Variants in FOXP1 observed in about 807,000 individuals in gnomAD.
The protein encoded by FOXP1 is forkhead box P1.
Under a neutral mutation model 98.2 loss-of-function variants are expected in FOXP1, and 15 were observed. The ratio of observed to expected loss-of-function variants is 0.15; its 90% CI spans 0.10 to 0.24. FOXP1 has a LOEUF of 0.24. FOXP1 is among the 10% of genes least tolerant of loss of function. FOXP1 has a pLI of 1.00. For synonymous variants in FOXP1, 371 were observed against 314.5 expected (o/e 1.18, Z -1.90); for missense variants, 633 against 848.5 (o/e 0.75, Z 3.15).
chr3:70,977,302 G>C (rs1039167768), intron 16 of FOXP1, among the ~76,000 whole-genome samples: 5 of 152,020 alleles, frequency 3.3e-5, no homozygotes, highest in African/African-American at 1.2e-4. Context: ...CAGAATCAAA[G>C]AGAAATGCAA....
At chr3:71,082,347 G>A (rs892961029) in intron 7 of FOXP1, among the ~76,000 whole-genome samples, 16 of 151,466 alleles carry the variant, frequency 1.1e-4, no homozygotes, top group African/African-American at 3.9e-4. Context: ...CTGTGAAATG[G>A]GCATCATATG....
intron 3 of FOXP1, among the ~76,000 whole-genome samples, chr3:71,407,278 T>C (rs1224642493): frequency 2.6e-5 from 4 of 152,124 alleles, no homozygotes; most frequent in African/African-American, 9.7e-5. Context: ...TCACTGGGTT[T>C]GTGTATTGGG....
intron 6 of FOXP1, among the ~76,000 whole-genome samples, chr3:71,138,392 G>A (rs963992926): frequency 3.9e-5 from 6 of 152,072 alleles, no homozygotes; most frequent in Non-Finnish European, 5.9e-5. Flanking sequence ...TTGTATTCAC[G>A]TGAATTAACC....
chr3:71,066,392 C>A (rs898509387), intron 7 of FOXP1, among the ~76,000 whole-genome samples: 2 of 152,250 alleles, frequency 1.3e-5, no homozygotes, highest in Admixed American at 1.3e-4. Flanking sequence ...GTGTCAGATA[C>A]CAAATTTATT....
chr3:71,318,169 T>C (rs1392836927), intron 4 of FOXP1, among the ~76,000 whole-genome samples: 1 of 151,832 alleles, frequency 6.6e-6, no homozygotes, highest in East Asian at 1.9e-4. Flanking sequence ...TTTTTTTTTT[T>C]TTCCTTCTTT....
rs554370007 is a variant in FOXP1 at position 71,288,508 on chromosome 3, T to C, written c.-12+11312A>G. 4 of 152,328 alleles carry C rather than the reference T, an allele frequency of 2.6e-5. No individual in the cohort carries two copies. In the South Asian group the frequency reaches 8.3e-4, roughly 32 times the overall value. 9.4% of individuals were successfully genotyped at this position (152,328 alleles called of 1,614,324 possible). ...CAGACGTGGCTCAGGCTCAAACTAG[T>C]ATTTTACTAATCTAGAGACTATGTT... On this transcript the variant is annotated intron_variant, in intron 5 of 20. Transcript: ENST00000649528.
chr3:71,137,145 C>T (rs899906244), intron 6 of FOXP1, among the ~76,000 whole-genome samples: 1 of 152,166 alleles, frequency 6.6e-6, no homozygotes, highest in African/African-American at 2.4e-5. Context: ...ACACGCCTAG[C>T]GGCCTCTGAG....
chr3:71,273,760 A>T lies in FOXP1; in HGVS notation c.-12+26060T>A, dbSNP rs1194786075. ...AAATAACAATACAAAGTAATAAATG[A>T]CTTCATGCCAAATGCATGGTGAAGG... is the stretch of plus-strand genomic sequence containing the variant. On this transcript the variant is annotated intron_variant, in intron 5 of 20. Coordinates refer to ENST00000649528, the MANE Select transcript of FOXP1 (RefSeq NM_001349338.3). 3.9e-5 allele frequency among the ~76,000 whole-genome samples: 6 copies of T among 152,322 alleles called. No individual in the cohort carries two copies. The East Asian group carries it at 9.7e-4, about 25-fold the overall frequency.
chr3:71,353,035 C>T (rs575062001), intron 4 of FOXP1, among the ~76,000 whole-genome samples: 1 of 152,284 alleles, frequency 6.6e-6, no homozygotes, highest in East Asian at 1.9e-4. Flanking sequence ...AAAGACAGGA[C>T]ACAGGCTCTC....
At chr3:71,525,276 T>A (rs1257583323) in intron 2 of FOXP1, among the ~76,000 whole-genome samples, 1 of 152,222 alleles carries the variant, frequency 6.6e-6, no homozygotes, top group Non-Finnish European at 1.5e-5. Flanking sequence ...AAACACAGTG[T>A]TGAATGAAAC....
At chr3:71,369,314 T>C (rs2107969068) in intron 3 of FOXP1, among the ~76,000 whole-genome samples, 1 of 152,196 alleles carries the variant, frequency 6.6e-6, no homozygotes, top group African/African-American at 2.4e-5. Context: ...AGCTTGAATC[T>C]GGGATGCGGA....
At chr3:71,164,451 G>T (rs2061307700) in intron 6 of FOXP1, among the ~76,000 whole-genome samples, 1 of 152,098 alleles carries the variant, frequency 6.6e-6, no homozygotes, top group African/African-American at 2.4e-5. Context: ...TGCCCGCCTC[G>T]GCCTCGCAAA....
intron 2 of FOXP1, among the ~76,000 whole-genome samples, chr3:71,512,112 G>A (rs772258719): frequency 6.6e-6 from 1 of 152,270 alleles, no homozygotes. Flanking sequence ...AGAAAACCAC[G>A]GCTCAGAGAT....
intron 14 of FOXP1, among the ~76,000 whole-genome samples, chr3:70,979,873 A>T (rs1490606695): frequency 6.6e-6 from 1 of 152,186 alleles, no homozygotes; most frequent in Non-Finnish European, 1.5e-5. Flanking sequence ...GAAAAGAAAG[A>T]TCAAATATCA....
rs538258808 is a variant in FOXP1, at chr3:71,103,117, T to A, written c.282+9419A>T. Among the ~76,000 whole-genome samples the A allele has an allele frequency of 2.6e-5, 4 of 152,316 alleles. No individual in the cohort carries two copies. The South Asian group carries it at 8.3e-4, about 32-fold the overall frequency. On this transcript the variant is annotated intron_variant, in intron 7 of 20. Coordinates refer to ENST00000649528, the MANE Select transcript of FOXP1 (RefSeq NM_001349338.3). Reference sequence around the variant, plus strand: ...AGGGTAAACTGTTTAATTTTTCTAATGTCAGGGTAGGGGGTTGCAGCCTGG... The same window carrying A: ...AGGGTAAACTGTTTAATTTTTCTAAAGTCAGGGTAGGGGGTTGCAGCCTGG...
chr3:71,501,908 T>C (rs2041399412), intron 2 of FOXP1, among the ~76,000 whole-genome samples: 1 of 152,128 alleles, frequency 6.6e-6, no homozygotes, highest in Admixed American at 6.5e-5. Context: ...TTCAAGCTCT[T>C]TGGTTTCTTT....
intron 13 of FOXP1, among the ~76,000 whole-genome samples, chr3:70,995,069 CT>C (rs1413978658): frequency 6.6e-6 from 1 of 151,776 alleles, no homozygotes; most frequent in African/African-American, 2.4e-5. Flanking sequence ...ATGGTTTCCC[CT>C]TTTCCCCAAA....
At chr3:71,162,194 C>T (rs934511753) in intron 6 of FOXP1, among the ~76,000 whole-genome samples, 7 of 152,198 alleles carry the variant, frequency 4.6e-5, no homozygotes, top group African/African-American at 1.7e-4. Flanking sequence ...GAACAGGTAG[C>T]TCCTCTGAAT....
chr3:71,546,972 A>C (rs1333572164), intron 2 of FOXP1, among the ~76,000 whole-genome samples: 1 of 152,198 alleles, frequency 6.6e-6, no homozygotes, highest in Non-Finnish European at 1.5e-5. Context: ...AGAGAGGAAG[A>C]GAGAAAGGAA....
Sources: gnomAD v4.1 joint callset for allele counts (sites outside exome capture counted in the v4.1 genomes callset) on GRCh38, gnomAD v4.1.1 for gene constraint, MANE v1.5 for transcripts, NCBI Gene and HGNC (gene_info 2026-07-23, HGNC 2026-07-21) for gene names.